TMEM266: variants seen among roughly 807,000 people sequenced by gnomAD.
The protein encoded by TMEM266 is Hv1 related protein 1.
TMEM266 carries 33 observed loss-of-function variants against 50.5 expected under a neutral mutation model. That is an observed-to-expected ratio of 0.65 (90% confidence interval 0.50 to 0.87). The LOEUF is 0.87. Among genes scored for constraint, TMEM266 ranks in the 40% least tolerant of loss-of-function variants. TMEM266 has a pLI of 0.00. For missense variants in TMEM266, 655 were observed against 695.1 expected, an observed-to-expected ratio of 0.94 and a Z score of 0.65; for synonymous variants, 310 against 292.3, an observed-to-expected ratio of 1.06 and a Z score of -0.62.
At chr15:76,172,485 C>T (rs1164113860) in intron 7 of TMEM266, among the ~76,000 whole-genome samples, 3 of 152,230 alleles carry the variant, frequency 2.0e-5, no homozygotes, top group East Asian at 1.9e-4. Context: ...AAGCTGTCAC[C>T]CTCAGGGTGG....
At chr15:76,090,240 C>T (rs1001340571) in intron 1 of TMEM266, among the ~76,000 whole-genome samples, 24 of 151,890 alleles carry the variant, frequency 1.6e-4, no homozygotes, top group African/African-American at 5.8e-4. Flanking sequence ...TCCTATAGTC[C>T]CAGCACTTTG....
intron 5 of TMEM266, among the ~76,000 whole-genome samples, chr15:76,166,202 G>A (rs966008324): frequency 6.6e-6 from 1 of 152,056 alleles, no homozygotes; most frequent in Non-Finnish European, 1.5e-5. Context: ...GTGGGTCTCG[G>A]CAAAGGTGTC....
intron 5 of TMEM266, 50 bp from the exon 6 acceptor site, chr15:76,169,766 G>A (rs760638246): frequency 8.2e-6 from 13 of 1,577,810 alleles, no homozygotes; most frequent in African/African-American, 2.7e-5. Context: ...GAATCTTCTC[G>A]GCTGGAGGAA....
At chr15:76,146,749 C>T (rs2037762817) in intron 3 of TMEM266, among the ~76,000 whole-genome samples, 1 of 152,212 alleles carries the variant, frequency 6.6e-6, no homozygotes, top group South Asian at 2.1e-4. Flanking sequence ...CTTCTCTCTT[C>T]CTGTACTGTC....
chr15:76,089,093 CAAAAAAAA>C (rs1213055800), intron 1 of TMEM266, among the ~76,000 whole-genome samples: 1 of 45,226 alleles, frequency 2.2e-5, no homozygotes, highest in African/African-American at 9.7e-5. Flanking sequence ...GACTCTGTCT[CAAAAAAAA>C]AAAAAAAAAA....
At chr15:76,072,997 T>G (rs1431674721) in intron 1 of TMEM266, among the ~76,000 whole-genome samples, 1 of 151,822 alleles carries the variant, frequency 6.6e-6, no homozygotes, top group African/African-American at 2.4e-5. Flanking sequence ...AATGGTATGA[T>G]CTTGGCTCAC....
chr15:76,159,575 C>G (rs2037983497), intron 4 of TMEM266, among the ~76,000 whole-genome samples: 1 of 152,144 alleles, frequency 6.6e-6, no homozygotes, highest in Non-Finnish European at 1.5e-5. Flanking sequence ...CTCTAAAACA[C>G]ACTGGCCGAC....
Position 76,153,149 on chromosome 15 carries a change from GA to G in TMEM266, c.228-3448del, listed in dbSNP as rs1357988125. On this transcript the variant is annotated intron_variant, in intron 3 of 10. Coordinates refer to ENST00000388942, the MANE Select transcript of TMEM266 (RefSeq NM_152335.3). This position sits in a 1 kb window ranked among gnomAD's most constrained non-coding sequence, Gnocchi z 4.2. ...GTTTCTCTAACAAAAAAAAAAAGAA[GA>G]AAAAAACGACATTTTAAACAGCAAT... Among the ~76,000 whole-genome samples the G allele has an allele frequency of 6.7e-6, 1 of 150,040 alleles. No homozygotes were observed. Among genetic ancestry groups the G allele is most frequent in the Admixed American group, 6.7e-5 (1 of 14,996 alleles).
chr15:76,183,864 C>G (rs191470541), intron 8 of TMEM266, among the ~76,000 whole-genome samples: 7 of 152,328 alleles, frequency 4.6e-5, no homozygotes, highest in South Asian at 2.1e-4. Flanking sequence ...TCACGCCCCC[C>G]CTCCATCCCC....
At chr15:76,199,544 T>C (rs2460152) in intron 9 of TMEM266, among the ~76,000 whole-genome samples, 147,077 of 152,296 alleles carry the variant, frequency 0.97, 71,236 homozygotes, top group East Asian at 1. Flanking sequence ...AAGACCTGGG[T>C]GTCCGTGCTG....
intron 1 of TMEM266, among the ~76,000 whole-genome samples, chr15:76,125,764 C>A (rs2037412016): frequency 6.6e-6 from 1 of 150,794 alleles, no homozygotes. Flanking sequence ...AGGAGAATTG[C>A]TGGAACCCGG....
intron 5 of TMEM266, among the ~76,000 whole-genome samples, chr15:76,166,277 A>C (rs1021106424): frequency 2.0e-5 from 3 of 152,038 alleles, no homozygotes; most frequent in Non-Finnish European, 4.4e-5. Flanking sequence ...AGCCAGGGTC[A>C]CTCTGGCCTT....
At position 76,105,727 on chromosome 15, in the gene TMEM266, A is replaced by G. The variant is rs531333753; in HGVS notation, c.-96-28441A>G. Among the ~76,000 whole-genome samples, 16 of 152,324 alleles carry G rather than the reference A, an allele frequency of 1.1e-4. No homozygotes were observed. In the South Asian group the frequency reaches 2.1e-3, roughly 20 times the overall value. On this transcript the variant is annotated intron_variant, in intron 1 of 10. Coordinates refer to ENST00000388942, the MANE Select transcript of TMEM266 (RefSeq NM_152335.3). ...CAGGAATGATGTCTCCATTATCTCC[A>G]TAGCCCCCATACCTGGTGTGGGATC...
intron 3 of TMEM266, among the ~76,000 whole-genome samples, chr15:76,142,393 A>AAATAAT (rs372025392): frequency 1.3e-5 from 2 of 152,014 alleles, no homozygotes; most frequent in African/African-American, 4.8e-5. Flanking sequence ...CTCCGTCTCA[A>AAATAAT]AATAATAATA....
chr15:76,150,147 TGG>T (rs2142041845), intron 3 of TMEM266, among the ~76,000 whole-genome samples: 1 of 152,260 alleles, frequency 6.6e-6, no homozygotes, highest in South Asian at 2.1e-4. Flanking sequence ...GTGCACTCCC[TGG>T]AATGTTATGC....
chr15:76,102,523 GA>G (rs1167582469), intron 1 of TMEM266, among the ~76,000 whole-genome samples: 1 of 152,094 alleles, frequency 6.6e-6, no homozygotes, highest in Non-Finnish European at 1.5e-5. Flanking sequence ...CTCAGAGAAG[GA>G]AGTGTGCTTG....
rs932072495 is a variant in TMEM266 at position 76,161,784 on chromosome 15, G to A, written c.456+1616G>A. ...TCCCCAGCTTACAGCCCCCATGTGG[G>A]TCTTGCCCTCCCTGGCCTCTTGTCT... On this transcript the variant is annotated intron_variant, in intron 5 of 10. Transcript: ENST00000388942. The surrounding 1 kb of genome is among the most constrained non-coding windows in gnomAD (Gnocchi z 4.1). Among the ~76,000 whole-genome samples, 1 of 152,166 alleles carries A rather than the reference G, an allele frequency of 6.6e-6. No individual in the cohort carries two copies.
At chr15:76,191,826 C>T (rs1315206048) in intron 8 of TMEM266, 142 bp from the exon 9 acceptor site, 3 of 765,532 alleles carry the variant, frequency 3.9e-6, no homozygotes, top group Non-Finnish European at 5.8e-6. Context: ...TGGGAGATTC[C>T]TAAGGAATCA....
chr15:76,153,896 C>T lies in TMEM266; in HGVS notation c.228-2708C>T, dbSNP rs986392383. Reference sequence around the variant, plus strand: ...CCGCTGGCACTGCTGCGGGCAGCAGCTTTAGGCTTCTGGGAGCCTCCAGCC... The same window carrying T: ...CCGCTGGCACTGCTGCGGGCAGCAGTTTTAGGCTTCTGGGAGCCTCCAGCC... On this transcript the variant is annotated intron_variant, in intron 3 of 10. Transcript: ENST00000388942. The surrounding 1 kb of genome is among the most constrained non-coding windows in gnomAD (Gnocchi z 4.2). Among the ~76,000 whole-genome samples the T allele has an allele frequency of 6.6e-6, 1 of 152,188 alleles. No homozygotes were observed. Among genetic ancestry groups the T allele is most frequent in the Non-Finnish European group, 1.5e-5 (1 of 68,024 alleles).
Sources: allele counts gnomAD v4.1 joint callset (sites outside exome capture counted in the v4.1 genomes callset), GRCh38; gene constraint gnomAD v4.1.1; non-coding constraint Gnocchi (gnomAD v3.1); transcripts MANE v1.5; gene names NCBI Gene and HGNC (gene_info 2026-07-23, HGNC 2026-07-21).